NELL1: variants seen among roughly 807,000 people sequenced by gnomAD.
NELL1 encodes the protein protein kinase C-binding protein NELL1.
Under a neutral mutation model 107.4 loss-of-function variants are expected in NELL1, and 76 were observed. The observed-to-expected ratio is 0.71, with a 90% CI of 0.59 to 0.86. NELL1 has a LOEUF of 0.86. NELL1 is among the 40% of genes least tolerant of loss of function. The probability of loss-of-function intolerance (pLI) is 0.00; values close to 1 mark genes in which losing one functional copy is unlikely to be tolerated. For missense variants in NELL1, 1,024 were observed against 1,005.5 expected, an observed-to-expected ratio of 1.02 and a Z score of -0.25; for synonymous variants, 353 against 341.2, an observed-to-expected ratio of 1.03 and a Z score of -0.38.
intron 15 of NELL1, among the ~76,000 whole-genome samples, chr11:21,486,949 C>T (rs770538097): frequency 7.9e-5 from 12 of 151,816 alleles, no homozygotes; most frequent in Non-Finnish European, 1.8e-4. Flanking sequence ...AAAGAATGAA[C>T]AAAGACTTTG....
chr11:21,270,742 A>C (rs1191145704), intron 14 of NELL1, among the ~76,000 whole-genome samples: 10 of 152,162 alleles, frequency 6.6e-5, no homozygotes, highest in Admixed American at 6.5e-4. Context: ...TCAAGCTCAC[A>C]TGGAACATTC....
At chr11:21,143,576 C>T (rs1855913938) in intron 13 of NELL1, among the ~76,000 whole-genome samples, 1 of 152,152 alleles carries the variant, frequency 6.6e-6, no homozygotes, top group Non-Finnish European at 1.5e-5. Context: ...GTAAGGCCCT[C>T]TTCTTCAAAC....
chr11:21,316,351 A>G (rs1437697632), intron 14 of NELL1, among the ~76,000 whole-genome samples: 1 of 152,208 alleles, frequency 6.6e-6, no homozygotes, highest in Non-Finnish European at 1.5e-5. Flanking sequence ...TTTTTCTCCC[A>G]TTATTAAAAT....
intron 13 of NELL1, among the ~76,000 whole-genome samples, chr11:21,155,997 C>T (rs1444369597): frequency 1.3e-5 from 2 of 152,026 alleles, no homozygotes; most frequent in African/African-American, 4.8e-5. Context: ...CTTTTTCACC[C>T]TAGGAGTCAT....
chr11:21,370,922 G>A lies in NELL1; in HGVS notation c.1619G>A (p.Gly540Glu), dbSNP rs761043803. 6.2e-7 allele frequency: 1 copy of A among 1,611,412 alleles called. No homozygotes were observed. The highest frequency in any genetic ancestry group is 1.1e-5 in the South Asian group (1 of 90,646). The change falls in exon 15 of 20, where the codon GGA becomes GAA. Residue 540 changes from glycine (G) to glutamate (E), a missense_variant. By Grantham distance (98) the Gly-to-Glu change is moderately conservative. Transcript: ENST00000357134. ...CCCAACAAATGTGTCTGTCCATCTGGATTCACAGGAAGCCACTGCGAGAAA... is the reference window on the plus strand; with the variant it reads ...CCCAACAAATGTGTCTGTCCATCTGAATTCACAGGAAGCCACTGCGAGAAA... ...VAPNKCVCPSGFTGSHCEKDI... is the reference protein window; with the variant it reads ...VAPNKCVCPSEFTGSHCEKDI...
chr11:21,201,603 T>C (rs768472024), intron 13 of NELL1, among the ~76,000 whole-genome samples: 22 of 152,158 alleles, frequency 1.4e-4, no homozygotes, highest in South Asian at 8.3e-4. Flanking sequence ...CTCTTCCTAT[T>C]TGAATACCTT....
intron 14 of NELL1, among the ~76,000 whole-genome samples, chr11:21,281,884 T>A (rs1242907660): frequency 2.0e-5 from 3 of 152,212 alleles, no homozygotes; most frequent in Non-Finnish European, 2.9e-5. Flanking sequence ...CCTCAAACTA[T>A]GAAACTACTA....
chr11:21,560,359 A>G lies in NELL1; in HGVS notation c.1957A>G (p.Arg653Gly). The G allele has an allele frequency of 1.3e-6, 2 of 1,596,290 alleles. No homozygotes were observed. Among genetic ancestry groups the G allele is most frequent in the Non-Finnish European group, 1.7e-6 (2 of 1,171,808 alleles). ...CCAGGTGTGGACCTTGAAAGAAGAC[A>G]GGTGTTCTGTCTGCTCCTGCAAGGT... Reference protein sequence around the residue: ...NGQVWTLKEDRCSVCSCKDGK... With the variant: ...NGQVWTLKEDGCSVCSCKDGK... The change falls in exon 17 of 20, where the codon AGG becomes GGG. Residue 653 changes from arginine to glycine, a missense_variant. Transcript: ENST00000357134.
chr11:20,946,807 TCCTC>T (rs1357450095), intron 10 of NELL1, among the ~76,000 whole-genome samples: 5 of 152,158 alleles, frequency 3.3e-5, no homozygotes, highest in African/African-American at 9.7e-5. Context: ...GAGGCTTTAT[TCCTC>T]CCTCCATCCA....
chr11:21,518,987 C>T (rs1318992532), intron 15 of NELL1, among the ~76,000 whole-genome samples: 2 of 152,166 alleles, frequency 1.3e-5, no homozygotes, highest in African/African-American at 4.8e-5. Flanking sequence ...AGGGTTGGTT[C>T]AGCAGCTCAA....
At chr11:20,746,131 G>T (rs765605598) in intron 2 of NELL1, among the ~76,000 whole-genome samples, 1 of 152,170 alleles carries the variant, frequency 6.6e-6, no homozygotes, top group Non-Finnish European at 1.5e-5. Context: ...TTGGGTGAGG[G>T]AAGACTTCTG....
intron 2 of NELL1, among the ~76,000 whole-genome samples, chr11:20,771,229 C>T (rs903559267): frequency 4.6e-5 from 7 of 152,122 alleles, no homozygotes; most frequent in Non-Finnish European, 1.0e-4. Context: ...CTCATTAATT[C>T]CTTTGCCTCC....
intron 14 of NELL1, among the ~76,000 whole-genome samples, chr11:21,277,582 A>G (rs1479388606): frequency 3.3e-5 from 5 of 152,248 alleles, no homozygotes. Context: ...TCTTGCTGCT[A>G]TAAAGACACA....
intron 2 of NELL1, among the ~76,000 whole-genome samples, chr11:20,702,779 G>A (rs924028680): frequency 6.6e-6 from 1 of 152,138 alleles, no homozygotes; most frequent in South Asian, 2.1e-4. Context: ...TGTAGTTTTT[G>A]TCTTTGGTTC....
Position 21,069,486 on chromosome 11 carries a change from G to C in NELL1, c.1301-44103G>C, listed in dbSNP as rs181827743. Among the ~76,000 whole-genome samples the C allele has an allele frequency of 9.2e-5, 14 of 152,200 alleles. No individual in the cohort carries two copies. In the East Asian group the frequency reaches 1.9e-3, roughly 21 times the overall value. On this transcript the variant is annotated intron_variant, in intron 12 of 19. Coordinates refer to ENST00000357134, the MANE Select transcript of NELL1 (RefSeq NM_006157.5). ...TGGCTGGCACCTGACTTAATAGAGG[G>C]ACTGGCACTCTGGAGGGAGGAGGAA...
chr11:21,067,557 T>C (rs1853906046), intron 12 of NELL1, among the ~76,000 whole-genome samples: 1 of 152,076 alleles, frequency 6.6e-6, no homozygotes, highest in African/African-American at 2.4e-5. Flanking sequence ...ATGAAGAAAT[T>C]TTACAGAGAG....
At chr11:20,977,599 T>C (rs1264719035) in intron 12 of NELL1, among the ~76,000 whole-genome samples, 1 of 152,206 alleles carries the variant, frequency 6.6e-6, no homozygotes, top group Non-Finnish European at 1.5e-5. Flanking sequence ...AGGACTTTTT[T>C]CATGCTGTCC....
chr11:21,295,639 A>G (rs894352906), intron 14 of NELL1, among the ~76,000 whole-genome samples: 3 of 152,068 alleles, frequency 2.0e-5, no homozygotes, highest in Admixed American at 1.3e-4. Context: ...GGGAATACGC[A>G]TAATTTCTGC....
chr11:21,082,958 C>G (rs1384580287), intron 12 of NELL1, among the ~76,000 whole-genome samples: 1 of 152,156 alleles, frequency 6.6e-6, no homozygotes, highest in African/African-American at 2.4e-5. Context: ...AGAAGTGGCT[C>G]AGGAAATTGG....
Sources: gnomAD v4.1 joint callset for allele counts (sites outside exome capture counted in the v4.1 genomes callset) on GRCh38, gnomAD v4.1.1 for gene constraint, MANE v1.5 for transcripts, NCBI Gene and HGNC (gene_info 2026-07-23, HGNC 2026-07-21) for gene names.